Variants in CAPN3 observed in about 807,000 individuals in gnomAD.
CAPN3 encodes the protein calpain 3.
CAPN3 carries 88 observed loss-of-function variants against 114.0 expected under a neutral mutation model. That is an observed-to-expected ratio of 0.77 (90% confidence interval 0.65 to 0.92). The LOEUF (loss-of-function observed/expected upper bound fraction) is 0.92. CAPN3 is among the 40% of genes least tolerant of loss of function. CAPN3 has a pLI of 0.00. For missense variants in CAPN3, 1,028 were observed against 1,069.0 expected, an observed-to-expected ratio of 0.96 and a Z score of 0.53; for synonymous variants, 386 against 382.9, an observed-to-expected ratio of 1.01 and a Z score of -0.09.
Position 42,409,779 on chromosome 15 carries a change from C to G in CAPN3, c.1993-8C>G, listed in dbSNP as rs1427042592. ...TGAACCATGACCCTCCTCTCCCTTCCTCCTCAGGACATGGAGATCTGTGCA... is the reference window on the plus strand; with the variant it reads ...TGAACCATGACCCTCCTCTCCCTTCGTCCTCAGGACATGGAGATCTGTGCA... On this transcript the variant is annotated splice_region_variant and splice_polypyrimidine_tract_variant and intron_variant, in intron 17 of 23. Coordinates refer to ENST00000397163, the MANE Select transcript of CAPN3 (RefSeq NM_000070.3). 2 of 1,612,882 alleles carry G rather than the reference C, an allele frequency of 1.2e-6. No homozygotes were observed. The highest frequency in any genetic ancestry group is 1.3e-5 in the African/African-American group (1 of 74,846).
intron 1 of CAPN3, among the ~76,000 whole-genome samples, chr15:42,372,201 C>T (rs1480194335): frequency 6.6e-6 from 1 of 151,904 alleles, no homozygotes; most frequent in Non-Finnish European, 1.5e-5. Context: ...TTCTTGTTGC[C>T]CAGGCTGGAG....
chr15:42,391,821 T>C (rs1308100692), intron 6 of CAPN3, among the ~76,000 whole-genome samples: 1 of 152,160 alleles, frequency 6.6e-6, no homozygotes, highest in East Asian at 1.9e-4. Flanking sequence ...TCTTGATTTC[T>C]TGAATATTAT....
In CAPN3 at chr15:42,398,144, T is replaced by C. The variant is rs112696682; in HGVS notation, c.1193+1267T>C. ...TACCCATATTTTGGGGGTACATATGTACCCATATTTTGGGGGTACATATGA... is the reference window on the plus strand; with the variant it reads ...TACCCATATTTTGGGGGTACATATGCACCCATATTTTGGGGGTACATATGA... On this transcript the variant is annotated intron_variant, in intron 9 of 23. Coordinates refer to ENST00000397163, the MANE Select transcript of CAPN3 (RefSeq NM_000070.3). Among the ~76,000 whole-genome samples, 448 of 140,250 alleles carry C rather than the reference T, an allele frequency of 3.2e-3. 1 individual carries two copies. Among genetic ancestry groups the C allele is most frequent in the Non-Finnish European group, 4.8e-3 (326 of 67,816 alleles). 92.0% of individuals were successfully genotyped at this position (140,250 alleles called of 152,430 possible). A position where few individuals can be genotyped will look rare whatever the true frequency, so the allele number is the denominator to read the frequency against.
chr15:42,398,780 CTTTTTTTTTTT>C (rs765133190), intron 9 of CAPN3, among the ~76,000 whole-genome samples: 1 of 101,326 alleles, frequency 9.9e-6, no homozygotes, highest in Non-Finnish European at 1.8e-5. Flanking sequence ...AGCATTAGAG[CTTTTTTTTTTT>C]TTTTTTTTTT....
At chr15:42,380,592 T>C (rs2053215731) in intron 1 of CAPN3, among the ~76,000 whole-genome samples, 1 of 147,944 alleles carries the variant, frequency 6.8e-6, no homozygotes, top group Non-Finnish European at 1.5e-5. Context: ...TGTGTATGTA[T>C]ATATATGTAT....
At chr15:42,360,502 A>G (rs528686912) in intron 1 of CAPN3, among the ~76,000 whole-genome samples, 7 of 152,192 alleles carry the variant, frequency 4.6e-5, no homozygotes, top group Non-Finnish European at 1.0e-4. Context: ...AATATTATTC[A>G]TCTTTGTAAG....
At chr15:42,368,281 ATG>A (rs1201112180) in intron 1 of CAPN3, among the ~76,000 whole-genome samples, 1 of 152,198 alleles carries the variant, frequency 6.6e-6, no homozygotes, top group Non-Finnish European at 1.5e-5. Context: ...ACTGTAAAGA[ATG>A]TCCTTTTCAT....
chr15:42,379,674 C>T (rs2053185905), intron 1 of CAPN3, among the ~76,000 whole-genome samples: 1 of 152,144 alleles, frequency 6.6e-6, no homozygotes, highest in African/African-American at 2.4e-5. Flanking sequence ...ACCAATTGAC[C>T]TTTTCATCTA....
chr15:42,387,332 G>C (rs2053431717), intron 3 of CAPN3, among the ~76,000 whole-genome samples: 2 of 152,178 alleles, frequency 1.3e-5, no homozygotes, highest in African/African-American at 4.8e-5. Flanking sequence ...TTGGCATCAA[G>C]AAATACCTAA....
intron 1 of CAPN3, among the ~76,000 whole-genome samples, chr15:42,375,746 C>A (rs1048542361): frequency 2.0e-5 from 3 of 152,110 alleles, no homozygotes; most frequent in Non-Finnish European, 4.4e-5. Flanking sequence ...GCCATTTCTT[C>A]CTATTACCAA....
At chr15:42,407,089 G>C (rs1260055030) in intron 15 of CAPN3, among the ~76,000 whole-genome samples, 1 of 151,854 alleles carries the variant, frequency 6.6e-6, no homozygotes, top group Non-Finnish European at 1.5e-5. Context: ...CCTTCCCCCG[G>C]CTTTCCCTAC....
intron 2 of CAPN3, chr15:42,385,678 G>A (rs1566974108): frequency 3.8e-6 from 2 of 520,006 alleles, no homozygotes; most frequent in East Asian, 5.4e-5. Context: ...GCCCCCTATA[G>A]ACGGGTTCCA....
At chr15:42,378,442 T>C (rs1219068717) in intron 1 of CAPN3, among the ~76,000 whole-genome samples, 1 of 152,222 alleles carries the variant, frequency 6.6e-6, no homozygotes, top group Non-Finnish European at 1.5e-5. Context: ...TTATATCCTA[T>C]AAATTCATCT....
intron 2 of CAPN3, 98 bp downstream of exon 2, chr15:42,384,650 T>C (rs1278930541): frequency 1.1e-6 from 1 of 913,122 alleles, no homozygotes; most frequent in African/African-American, 1.6e-5. Context: ...CTGTGCTTGC[T>C]TCCAGTAACT....
chr15:42,402,654 C>G, intron 12 of CAPN3, 140 bp from the exon 13 acceptor site: 2 of 1,545,116 alleles, frequency 1.3e-6, no homozygotes, highest in Non-Finnish European at 1.7e-6. Context: ...CTATTTAAGC[C>G]TTGGGAGTCG....
At chr15:42,380,949 A>G (rs1032408347) in intron 1 of CAPN3, among the ~76,000 whole-genome samples, 1 of 151,442 alleles carries the variant, frequency 6.6e-6, no homozygotes, top group African/African-American at 2.4e-5. Flanking sequence ...TGGTCATGCT[A>G]GAGTTTCCAG....
rs576710955 is a variant in CAPN3, at chr15:42,410,978, C to T, written c.2358C>T (p.Phe786=). ...ACTTTGACAGTTTCATCTGCTGCTT[C>T]GTTAGGCTGGAGGGCATGTTCAGTA... ...NIDFDSFICC[F]VRLEGMFRAF... is the part of the protein sequence containing the mutation. Residue 786 remains phenylalanine (F), a synonymous_variant, in exon 22 of 24, where the codon TTC becomes TTT. Transcript: ENST00000397163. 6.8e-6 allele frequency: 11 copies of T among 1,613,856 alleles called. No homozygotes were observed. The highest frequency in any genetic ancestry group is 1.3e-5 in the African/African-American group (1 of 75,054).
Position 42,409,384 on chromosome 15 carries a change from A to G in CAPN3, c.1992+4A>G, listed in dbSNP as rs1326528746. 2 of 1,613,360 alleles carry G rather than the reference A, an allele frequency of 1.2e-6. No individual in the cohort carries two copies. Among genetic ancestry groups the G allele is most frequent in the Non-Finnish European group, 1.7e-6 (2 of 1,179,390 alleles). ...TTTCAAGCAGATAGCAGGAGATGTG[A>G]GTACCTCCAAGCCCAGGACGCCCAC... On this transcript the variant is annotated splice_donor_region_variant and intron_variant, in intron 17 of 23. Transcript: ENST00000397163.
At position 42,359,689 on chromosome 15, in the gene CAPN3, C is replaced by A; in HGVS notation, c.-117C>A. 2 of 1,571,102 alleles carry A rather than the reference C, an allele frequency of 1.3e-6. No homozygotes were observed. Among genetic ancestry groups the A allele is most frequent in the Non-Finnish European group, 8.6e-7 (1 of 1,162,270 alleles). ...CTTTCAACTTTGAACTGGATGTGGA[C>A]ACTTTTCTCTCAGATGACAGAATTA... On this transcript the variant is annotated 5_prime_UTR_variant, in exon 1 of 24. Coordinates refer to ENST00000397163, the MANE Select transcript of CAPN3 (RefSeq NM_000070.3).
Sources: allele counts gnomAD v4.1 joint callset (sites outside exome capture counted in the v4.1 genomes callset), GRCh38; gene constraint gnomAD v4.1.1; transcripts MANE v1.5; gene names NCBI Gene and HGNC (gene_info 2026-07-23, HGNC 2026-07-21).